UNC79: variants seen among roughly 807,000 people sequenced by gnomAD.
UNC79 encodes the protein unc-79 subunit of NALCN channel complex.
In UNC79, 37 loss-of-function variants were observed where a neutral mutation model predicts 283.1. The ratio of observed to expected loss-of-function variants is 0.13; its 90% CI spans 0.10 to 0.17. The LOEUF is 0.17. Among genes scored for constraint, UNC79 ranks in the 10% least tolerant of loss-of-function variants. The probability of loss-of-function intolerance (pLI) is 1.00; values close to 1 mark genes in which losing one functional copy is unlikely to be tolerated. For synonymous variants in UNC79, 1,107 were observed against 1,200.2 expected (o/e 0.92, Z 1.61); for missense variants, 2,272 against 3,211.1 (o/e 0.71, Z 7.07).
At chr14:93,595,289 C>T (rs2064994825) in intron 23 of UNC79, among the ~76,000 whole-genome samples, 1 of 151,904 alleles carries the variant, frequency 6.6e-6, no homozygotes, top group African/African-American at 2.4e-5. Flanking sequence ...GGGGTTTCGC[C>T]ATGTTGGCCA....
intron 20 of UNC79, among the ~76,000 whole-genome samples, chr14:93,584,772 C>T (rs2064095511): frequency 6.6e-6 from 1 of 151,660 alleles, no homozygotes. Flanking sequence ...TCTCGGCTCA[C>T]TGCAACCTCC....
At chr14:93,497,582 G>A (rs964560333) in intron 7 of UNC79, among the ~76,000 whole-genome samples, 3 of 152,230 alleles carry the variant, frequency 2.0e-5, no homozygotes, top group Non-Finnish European at 2.9e-5. Flanking sequence ...AGCAGTGAGA[G>A]TGATGCTGCA....
At chr14:93,525,572 G>A (rs2060511675) in intron 8 of UNC79, among the ~76,000 whole-genome samples, 1 of 152,146 alleles carries the variant, frequency 6.6e-6, no homozygotes, top group Non-Finnish European at 1.5e-5. Context: ...CTCTTCTTTG[G>A]AGTGAGGATA....
chr14:93,470,565 TA>T (rs1476712399), intron 2 of UNC79, among the ~76,000 whole-genome samples: 4 of 152,194 alleles, frequency 2.6e-5, no homozygotes, highest in Admixed American at 2.6e-4. Context: ...AGGGGATCAG[TA>T]AATGTTTGTT....
At chr14:93,355,219 A>G (rs1263835669) in intron 1 of UNC79, among the ~76,000 whole-genome samples, 1 of 149,584 alleles carries the variant, frequency 6.7e-6, no homozygotes, top group Non-Finnish European at 1.5e-5. Flanking sequence ...CCTGAGACAG[A>G]GTTTTGCTCT....
At chr14:93,519,139 C>T (rs2060206227) in intron 7 of UNC79, among the ~76,000 whole-genome samples, 2 of 151,774 alleles carry the variant, frequency 1.3e-5, no homozygotes, top group South Asian at 4.1e-4. Flanking sequence ...TTTACAACTT[C>T]AGTTATGCTT....
chr14:93,333,251 G>C (rs982726592), exon 1 of UNC79: 2 of 402,254 alleles, frequency 5.0e-6, no homozygotes, highest in African/African-American at 4.1e-5. Flanking sequence ...CCGGGCGTCG[G>C]GTCGCTGGGA....
At chr14:93,614,635 T>TAA (rs60270149) in intron 27 of UNC79, among the ~76,000 whole-genome samples, 4,435 of 138,894 alleles carry the variant, frequency 0.032, 178 homozygotes, top group African/African-American at 0.095. Context: ...TGTGTGTGTT[T>TAA]AAAAAAAAAA....
chr14:93,636,853 G>A (rs1175897191), intron 31 of UNC79, among the ~76,000 whole-genome samples: 1 of 151,988 alleles, frequency 6.6e-6, no homozygotes, highest in East Asian at 1.9e-4. Context: ...GATCACTTAT[G>A]TACTTACTGA....
chr14:93,491,158 C>T (rs2058703974), intron 5 of UNC79, among the ~76,000 whole-genome samples: 1 of 152,028 alleles, frequency 6.6e-6, no homozygotes, highest in African/African-American at 2.4e-5. Flanking sequence ...TTTATAAGGG[C>T]ACTAATCACC....
chr14:93,624,638 A>G (rs1025341809), intron 30 of UNC79, among the ~76,000 whole-genome samples: 1 of 152,230 alleles, frequency 6.6e-6, no homozygotes, highest in African/African-American at 2.4e-5. Flanking sequence ...AACAGGGGAA[A>G]AATACATGAT....
chr14:93,579,787 A>C (rs530557378), intron 18 of UNC79, among the ~76,000 whole-genome samples: 3 of 152,194 alleles, frequency 2.0e-5, no homozygotes, highest in African/African-American at 2.4e-5. Context: ...TTAGCAGCTC[A>C]TGGTATTTAG....
intron 7 of UNC79, among the ~76,000 whole-genome samples, chr14:93,516,860 T>A (rs887940471): frequency 2.0e-5 from 3 of 152,068 alleles, no homozygotes; most frequent in Non-Finnish European, 2.9e-5. Flanking sequence ...ATTTATCCAT[T>A]TATTTAGGTC....
intron 1 of UNC79, among the ~76,000 whole-genome samples, chr14:93,385,316 C>A (rs980157920): frequency 6.6e-6 from 1 of 152,152 alleles, no homozygotes. Context: ...AAATCTCTTT[C>A]TATTTTTTGG....
chr14:93,521,989 C>G (rs1361364546), intron 7 of UNC79, among the ~76,000 whole-genome samples: 4 of 151,414 alleles, frequency 2.6e-5, no homozygotes, highest in Non-Finnish European at 4.4e-5. Flanking sequence ...AACTTAAGAT[C>G]ACTGTTTTAG....
chr14:93,660,563 A>ATATATATATATATATGTG (rs1203621990), intron 39 of UNC79, among the ~76,000 whole-genome samples: 1 of 64,790 alleles, frequency 1.5e-5, no homozygotes, highest in African/African-American at 6.4e-5. Context: ...ATATATATAT[A>ATATATATATATATATGTG]TGTGTGTGTG....
intron 1 of UNC79, among the ~76,000 whole-genome samples, chr14:93,349,197 C>T (rs1345253465): frequency 1.3e-5 from 2 of 152,228 alleles, no homozygotes; most frequent in Non-Finnish European, 2.9e-5. Context: ...CAGCTTCATT[C>T]TTGAAGTCAG....
chr14:93,686,407 C>T (rs765905927), intron 42 of UNC79, among the ~76,000 whole-genome samples, 165 bp from the exon 46 acceptor site: 1 of 151,558 alleles, frequency 6.6e-6, no homozygotes, highest in African/African-American at 2.4e-5. Flanking sequence ...AATTTTTGTC[C>T]AAATGCTGGG....
At chr14:93,623,105 T>C (rs1596115946) in intron 30 of UNC79, among the ~76,000 whole-genome samples, 1 of 152,220 alleles carries the variant, frequency 6.6e-6, no homozygotes, top group African/African-American at 2.4e-5. Flanking sequence ...GGCAATGAGA[T>C]GCATTGGTTA....
Sources: gnomAD v4.1 joint callset for allele counts (sites outside exome capture counted in the v4.1 genomes callset) on GRCh38, gnomAD v4.1.1 for gene constraint, MANE v1.5 for transcripts, NCBI Gene and HGNC (gene_info 2026-07-23, HGNC 2026-07-21) for gene names.